The following HS6ST3 variants were observed in gnomAD, a reference collection of about 807,000 sequenced individuals.
HS6ST3 encodes heparan-sulfate 6-O-sulfotransferase 3.
Under a neutral mutation model 36.7 loss-of-function variants are expected in HS6ST3, and 12 were observed. That is an observed-to-expected ratio of 0.33 (90% CI 0.21 to 0.53). HS6ST3 has a LOEUF of 0.53. Among genes scored for constraint, HS6ST3 ranks in the 20% least tolerant of loss-of-function variants. HS6ST3 has a pLI of 0.95. For synonymous variants in HS6ST3, 240 were observed against 257.5 expected, an observed-to-expected ratio of 0.93 and a Z score of 0.65; for missense variants, 584 against 640.9, an observed-to-expected ratio of 0.91 and a Z score of 0.96.
Position 96,261,417 on chromosome 13 carries a change from A to C in HS6ST3, c.707+169848A>C, listed in dbSNP as rs866152176. 3.3e-5 allele frequency among the ~76,000 whole-genome samples: 5 copies of C among 152,204 alleles called. No homozygotes were observed. In the South Asian group the frequency reaches 1.0e-3, roughly 32 times the overall value. ...GAGAGTACCAATTGTAAAAGGGCAT[A>C]TGGAACTGTGAATGAAAAAGGAAAT... is the stretch of plus-strand genomic sequence containing the variant. On this transcript the variant is annotated intron_variant, in intron 1 of 1. Transcript: ENST00000376705.
chr13:96,405,817 C>T (rs376650017), intron 1 of HS6ST3, among the ~76,000 whole-genome samples: 1 of 152,206 alleles, frequency 6.6e-6, no homozygotes, highest in Admixed American at 6.5e-5. Context: ...CTTGCAAGTG[C>T]CTTTGGTGTG....
At chr13:96,689,169 C>T (rs1416391569) in intron 1 of HS6ST3, among the ~76,000 whole-genome samples, 6 of 151,880 alleles carry the variant, frequency 4.0e-5, no homozygotes, top group South Asian at 2.1e-4. Flanking sequence ...AGGAGTGTTC[C>T]GAGGCTCACA....
intron 1 of HS6ST3, among the ~76,000 whole-genome samples, chr13:96,326,538 T>C (rs1226708394): frequency 6.6e-6 from 1 of 152,172 alleles, no homozygotes; most frequent in East Asian, 1.9e-4. Flanking sequence ...TAGTATTCTA[T>C]GGTGTATATG....
intron 1 of HS6ST3, among the ~76,000 whole-genome samples, chr13:96,549,106 C>T (rs1420403758): frequency 6.6e-6 from 1 of 152,196 alleles, no homozygotes; most frequent in African/African-American, 2.4e-5. Flanking sequence ...ACATTAGCTC[C>T]CCTGTTGCCC....
At chr13:96,814,822 T>G (rs1009023547) in intron 1 of HS6ST3, among the ~76,000 whole-genome samples, 2 of 152,200 alleles carry the variant, frequency 1.3e-5, no homozygotes, top group South Asian at 4.1e-4. Context: ...GAACTTCTAC[T>G]TTTTTTCTCC....
intron 1 of HS6ST3, among the ~76,000 whole-genome samples, chr13:96,700,962 C>T (rs4771256): frequency 6.6e-6 from 1 of 152,102 alleles, no homozygotes; most frequent in Non-Finnish European, 1.5e-5. Context: ...TTTACTTCAC[C>T]GGAAGCAACA....
chr13:96,712,605 CT>C (rs1427698316), intron 1 of HS6ST3, among the ~76,000 whole-genome samples: 1 of 152,130 alleles, frequency 6.6e-6, no homozygotes, highest in African/African-American at 2.4e-5. Context: ...GCAGTTTCTC[CT>C]GGGCAAGAAG....
chr13:96,149,690 G>A (rs2054075291), intron 1 of HS6ST3, among the ~76,000 whole-genome samples: 1 of 151,994 alleles, frequency 6.6e-6, no homozygotes, highest in Admixed American at 6.6e-5. Flanking sequence ...CCCTATAATG[G>A]CAGTTTGAAA....
At chr13:96,648,922 T>G (rs964505525) in intron 1 of HS6ST3, among the ~76,000 whole-genome samples, 1 of 152,080 alleles carries the variant, frequency 6.6e-6, no homozygotes, top group African/African-American at 2.4e-5. Flanking sequence ...TTGGGTTGAT[T>G]CCATGTCTTT....
chr13:96,329,648 T>G (rs1312897060), intron 1 of HS6ST3, among the ~76,000 whole-genome samples: 1 of 115,340 alleles, frequency 8.7e-6, no homozygotes, highest in Non-Finnish European at 1.8e-5. Context: ...CTGAAAAAAA[T>G]GTATATTCTG....
intron 1 of HS6ST3, among the ~76,000 whole-genome samples, chr13:96,803,999 C>A (rs1019926196): frequency 1.3e-5 from 2 of 152,102 alleles, no homozygotes; most frequent in Non-Finnish European, 2.9e-5. Context: ...AAAAGCCTTT[C>A]GGTCCCATCT....
chr13:96,112,007 A>G lies in HS6ST3; in HGVS notation c.707+20438A>G, dbSNP rs143874191. 8.6e-3 allele frequency among the ~76,000 whole-genome samples: 1,312 copies of G among 152,320 alleles called. 10 individuals carry two copies. The highest frequency in any genetic ancestry group is 0.033 in the South Asian group (160 of 4,826). On this transcript the variant is annotated intron_variant, in intron 1 of 1. Coordinates refer to ENST00000376705, the MANE Select transcript of HS6ST3 (RefSeq NM_153456.4). ...GTTAGGATACCCTAAGTATTCCTGA[A>G]GAAGAAAAGTGATGAGGTAGAGTTA...
intron 1 of HS6ST3, among the ~76,000 whole-genome samples, chr13:96,665,357 C>T (rs2056660277): frequency 6.6e-6 from 1 of 151,998 alleles, no homozygotes; most frequent in Non-Finnish European, 1.5e-5. Context: ...AGAGAAATGG[C>T]CCTTGTTCTC....
At chr13:96,655,350 G>A (rs1279967709) in intron 1 of HS6ST3, among the ~76,000 whole-genome samples, 1 of 152,054 alleles carries the variant, frequency 6.6e-6, no homozygotes, top group Admixed American at 6.6e-5. Flanking sequence ...GTTCATTGGG[G>A]ACTACCAAAG....
chr13:96,253,841 A>G (rs2054619044), intron 1 of HS6ST3, among the ~76,000 whole-genome samples: 1 of 152,134 alleles, frequency 6.6e-6, no homozygotes, highest in South Asian at 2.1e-4. Flanking sequence ...CTTTTCTATG[A>G]TGGGGCTCCA....
chr13:96,740,410 A>C (rs1229604732), intron 1 of HS6ST3, among the ~76,000 whole-genome samples: 1 of 152,180 alleles, frequency 6.6e-6, no homozygotes, highest in Admixed American at 6.5e-5. Context: ...CATTTATTTT[A>C]TACATTTTTA....
chr13:96,550,341 C>T (rs1428613206), intron 1 of HS6ST3, among the ~76,000 whole-genome samples: 1 of 152,156 alleles, frequency 6.6e-6, no homozygotes, highest in African/African-American at 2.4e-5. Flanking sequence ...ATGCCTGCCC[C>T]TCCTCCACCT....
At chr13:96,103,620 T>C (rs935699432) in intron 1 of HS6ST3, among the ~76,000 whole-genome samples, 1 of 152,180 alleles carries the variant, frequency 6.6e-6, no homozygotes, top group Non-Finnish European at 1.5e-5. Context: ...TCGTAAATTA[T>C]ACAGTACTGT....
chr13:96,229,202 C>T (rs915106240), intron 1 of HS6ST3, among the ~76,000 whole-genome samples: 2 of 152,116 alleles, frequency 1.3e-5, no homozygotes, highest in African/African-American at 4.8e-5. Context: ...TTGGTTTTCT[C>T]TGATTTTTGG....
Sources: gnomAD v4.1 joint callset for allele counts (sites outside exome capture counted in the v4.1 genomes callset) on GRCh38, gnomAD v4.1.1 for gene constraint, MANE v1.5 for transcripts, NCBI Gene and HGNC (gene_info 2026-07-23, HGNC 2026-07-21) for gene names.